LRP1B: variants seen among roughly 807,000 people sequenced by gnomAD.
LRP1B encodes the protein low-density lipoprotein receptor-related protein 1B.
LRP1B carries 217 observed loss-of-function variants against 556.6 expected under a neutral mutation model. The ratio of observed to expected loss-of-function variants is 0.39; its 90% confidence interval spans 0.35 to 0.44. LRP1B has a LOEUF of 0.44. Among genes scored for constraint, LRP1B ranks in the 20% least tolerant of loss-of-function variants. The pLI is 1.00. For synonymous variants in LRP1B, 2,047 were observed against 1,865.8 expected (o/e 1.10, Z -2.50); for missense variants, 5,053 against 5,620.8 (o/e 0.90, Z 3.23).
intron 60 of LRP1B, among the ~76,000 whole-genome samples, chr2:140,471,369 A>G (rs181265819): frequency 6.6e-6 from 1 of 152,344 alleles, no homozygotes; most frequent in Admixed American, 6.5e-5. Flanking sequence ...GAGCATCATA[A>G]CATAGAGATT....
chr2:142,124,850 T>C (rs1387618267), intron 1 of LRP1B, among the ~76,000 whole-genome samples: 2 of 151,714 alleles, frequency 1.3e-5, no homozygotes, highest in Non-Finnish European at 3.0e-5. Flanking sequence ...TGTTTCTTCA[T>C]AGAATCTCAA....
At chr2:141,486,183 C>T (rs1038529192) in intron 2 of LRP1B, among the ~76,000 whole-genome samples, 1 of 152,084 alleles carries the variant, frequency 6.6e-6, no homozygotes. Context: ...AAAAGAAAAA[C>T]TCCATCATTG....
intron 1 of LRP1B, among the ~76,000 whole-genome samples, chr2:142,013,727 T>G (rs150007802): frequency 3.3e-5 from 5 of 152,094 alleles, no homozygotes; most frequent in Non-Finnish European, 5.9e-5. Context: ...GTACTAATAT[T>G]AATTATAATT....
chr2:140,946,613 C>CAAG (rs1695555926), intron 20 of LRP1B, among the ~76,000 whole-genome samples: 1 of 151,842 alleles, frequency 6.6e-6, no homozygotes. Flanking sequence ...ACAAGAACAA[C>CAAG]AACAACAACA....
At chr2:140,877,964 AT>A (rs1160643925) in intron 25 of LRP1B, among the ~76,000 whole-genome samples, 1 of 152,190 alleles carries the variant, frequency 6.6e-6, no homozygotes, top group African/African-American at 2.4e-5. Flanking sequence ...CTTTAGTTCT[AT>A]GTATATGGCT....
At chr2:141,984,335 A>G (rs1702125061) in intron 1 of LRP1B, among the ~76,000 whole-genome samples, 1 of 150,894 alleles carries the variant, frequency 6.6e-6, no homozygotes, top group East Asian at 2.0e-4. Flanking sequence ...AGGGGGAAAA[A>G]AAAAGAATAA....
intron 43 of LRP1B, among the ~76,000 whole-genome samples, chr2:140,585,316 A>T (rs1289541082): frequency 1.3e-5 from 2 of 152,104 alleles, no homozygotes; most frequent in Non-Finnish European, 2.9e-5. Context: ...AAGGATTAAG[A>T]AATGTCCTCG....
At chr2:140,669,157 A>G (rs16844450) in intron 41 of LRP1B, among the ~76,000 whole-genome samples, 14,547 of 152,244 alleles carry the variant, frequency 0.096, 935 homozygotes, top group East Asian at 0.33. Context: ...CGGACATGGT[A>G]GTAGGAATTT....
At chr2:141,885,534 G>A (rs994106830) in intron 1 of LRP1B, among the ~76,000 whole-genome samples, 3 of 152,192 alleles carry the variant, frequency 2.0e-5, no homozygotes, top group African/African-American at 4.8e-5. Flanking sequence ...AGACCTTGAA[G>A]AGGTGCTGGC....
intron 17 of LRP1B, among the ~76,000 whole-genome samples, chr2:140,984,921 T>G (rs1176464777): frequency 6.6e-6 from 1 of 152,060 alleles, no homozygotes; most frequent in Non-Finnish European, 1.5e-5. Context: ...TTGACTAAAT[T>G]ATCACTTTCT....
intron 2 of LRP1B, among the ~76,000 whole-genome samples, chr2:141,783,705 A>G (rs1695335732): frequency 6.6e-6 from 1 of 151,908 alleles, no homozygotes; most frequent in South Asian, 2.1e-4. Context: ...CATTTTTCAT[A>G]TTGAAATAAT....
intron 1 of LRP1B, among the ~76,000 whole-genome samples, chr2:141,813,564 AG>A (rs1696427906): frequency 6.7e-6 from 1 of 148,692 alleles, no homozygotes; most frequent in Non-Finnish European, 1.5e-5. Flanking sequence ...GATCAGATAA[AG>A]GTTTTTTTTT....
At chr2:140,353,395 A>G (rs1463452274) in intron 75 of LRP1B, among the ~76,000 whole-genome samples, 1 of 151,960 alleles carries the variant, frequency 6.6e-6, no homozygotes, top group Non-Finnish European at 1.5e-5. Context: ...AAGTTCATGG[A>G]TACAAGTGCA....
intron 1 of LRP1B, among the ~76,000 whole-genome samples, chr2:141,993,217 G>C (rs1299382616): frequency 1.3e-5 from 2 of 152,062 alleles, no homozygotes; most frequent in Admixed American, 6.6e-5. Context: ...ATCTGCTATT[G>C]CTCGAGGACC....
At chr2:141,723,986 T>C (rs1479418029) in intron 2 of LRP1B, among the ~76,000 whole-genome samples, 1 of 151,800 alleles carries the variant, frequency 6.6e-6, no homozygotes, top group Non-Finnish European at 1.5e-5. Flanking sequence ...CTAATCCTCA[T>C]TTTTCCCAGA....
intron 3 of LRP1B, among the ~76,000 whole-genome samples, chr2:141,315,252 ATTTTTTTTTT>A (rs34839276): frequency 1.3e-5 from 1 of 77,164 alleles, no homozygotes; most frequent in Non-Finnish European, 2.2e-5. Context: ...AATGATTGTA[ATTTTTTTTTT>A]TTTTTTTTTT....
At chr2:141,008,283 T>A (rs961624822) in intron 14 of LRP1B, among the ~76,000 whole-genome samples, 1 of 151,342 alleles carries the variant, frequency 6.6e-6, no homozygotes, top group African/African-American at 2.4e-5. Context: ...ATTCAATTTT[T>A]TTAAAATAAA....
Position 140,350,970 on chromosome 2 carries a change from A to T in LRP1B, c.11719T>A (p.Tyr3907Asn), listed in dbSNP as rs2105116483. 6.2e-7 allele frequency: 1 copy of T among 1,607,618 alleles called. No homozygotes were observed. ...GAAATTTGTTGATGATCGCCACTGT[A>T]GTTGAATGGATATATAAAACCCAGG... ...DILGFIYPFN[Y>N]SGDHQQISHI... Residue 3907 changes from tyrosine to asparagine, a missense_variant, in exon 77 of 91, where the codon TAC becomes AAC. Physicochemically the swap from Tyr to Asn is moderately radical, Grantham distance 143. Around this residue, in one of 5 missense-constraint regions of LRP1B, gnomAD observed 599 missense variants for 648.4 expected, o/e 0.92. Transcript: ENST00000389484.
chr2:141,764,489 G>A (rs1203348403), intron 2 of LRP1B, among the ~76,000 whole-genome samples: 1 of 152,120 alleles, frequency 6.6e-6, no homozygotes, highest in Non-Finnish European at 1.5e-5. Context: ...GCACAAGACA[G>A]TGTCTTTTTA....
Sources: allele counts gnomAD v4.1 joint callset (sites outside exome capture counted in the v4.1 genomes callset), GRCh38; gene constraint gnomAD v4.1.1; regional missense constraint gnomAD v4.1.1; transcripts MANE v1.5; gene names NCBI Gene and HGNC (gene_info 2026-07-23, HGNC 2026-07-21).